Variants in FOXO3 observed in about 807,000 individuals in gnomAD.
FOXO3 encodes forkhead box O3, also known as forkhead box protein O3.
FOXO3 carries 4 observed loss-of-function variants against 41.9 expected under a neutral mutation model. That is an observed-to-expected ratio of 0.10 (90% CI 0.05 to 0.22). FOXO3 has a LOEUF of 0.22. Ranked by LOEUF, FOXO3 falls within the 10% of genes least tolerant of loss-of-function variation. The pLI is 1.00. For missense variants in FOXO3, 534 were observed against 906.8 expected (o/e 0.59, Z 5.28); for synonymous variants, 318 against 389.3 (o/e 0.82, Z 2.16).
intron 1 of FOXO3, among the ~76,000 whole-genome samples, chr6:108,654,609 TGTTA>T (rs1227567563): frequency 6.6e-6 from 1 of 152,180 alleles, no homozygotes; most frequent in East Asian, 1.9e-4. Flanking sequence ...AAAACTTAAA[TGTTA>T]GTTTCCAAAG....
chr6:108,590,817 C>G (rs79375388), intron 1 of FOXO3, among the ~76,000 whole-genome samples: 4,052 of 152,306 alleles, frequency 0.027, 147 homozygotes, highest in African/African-American at 0.08. Context: ...AAATATGCAA[C>G]TTTTCTCATT....
intron 1 of FOXO3, chr6:108,656,369 A>G (rs1400301240): frequency 5.1e-6 from 5 of 985,372 alleles, no homozygotes; most frequent in Non-Finnish European, 6.0e-6. Context: ...CCACAAGGTA[A>G]ACATGGTTTG....
intron 1 of FOXO3, among the ~76,000 whole-genome samples, chr6:108,643,508 T>G (rs906921188): frequency 1.3e-5 from 2 of 152,234 alleles, no homozygotes; most frequent in African/African-American, 4.8e-5. Flanking sequence ...GAAAACAAGA[T>G]GAGCAACACT....
chr6:108,665,215 T>TG (rs1198190652), intron 2 of FOXO3, among the ~76,000 whole-genome samples: 3 of 152,162 alleles, frequency 2.0e-5, no homozygotes, highest in African/African-American at 7.2e-5. Context: ...TTGCCCTACT[T>TG]GATGGATGGA....
chr6:108,658,342 GT>G (rs1232295124), intron 1 of FOXO3, among the ~76,000 whole-genome samples: 5 of 152,114 alleles, frequency 3.3e-5, no homozygotes, highest in African/African-American at 1.2e-4. Context: ...CACAGTTTTT[GT>G]TTGTGTTGAC....
intron 1 of FOXO3, among the ~76,000 whole-genome samples, chr6:108,573,628 G>C (rs1445559974): frequency 1.3e-5 from 2 of 152,078 alleles, no homozygotes; most frequent in Non-Finnish European, 1.5e-5. Flanking sequence ...AGGAGTTTGA[G>C]ACCAGCCTGG....
At chr6:108,595,119 G>T (rs954873651) in intron 1 of FOXO3, among the ~76,000 whole-genome samples, 8 of 152,004 alleles carry the variant, frequency 5.3e-5, no homozygotes, top group African/African-American at 1.7e-4. Flanking sequence ...TACTCTTTCT[G>T]CTCCCCCTCC....
intron 1 of FOXO3, among the ~76,000 whole-genome samples, chr6:108,573,034 C>G (rs535028123): frequency 5.3e-5 from 8 of 152,236 alleles, no homozygotes; most frequent in African/African-American, 1.9e-4. Context: ...CGCCTGTAAT[C>G]CCAGCACTTT....
chr6:108,630,302 A>G (rs1400886103), intron 1 of FOXO3, among the ~76,000 whole-genome samples: 1 of 152,158 alleles, frequency 6.6e-6, no homozygotes, highest in Non-Finnish European at 1.5e-5. Flanking sequence ...AAGAAGGCAG[A>G]ATGTTGAAAA....
At chr6:108,616,164 T>G (rs1278288880) in intron 1 of FOXO3, among the ~76,000 whole-genome samples, 3 of 136,570 alleles carry the variant, frequency 2.2e-5, no homozygotes, top group Non-Finnish European at 4.7e-5. Flanking sequence ...AGGTTTTTTT[T>G]TTTTTTTTTT....
chr6:108,567,308 G>T (rs1775973627), intron 1 of FOXO3, among the ~76,000 whole-genome samples: 1 of 152,122 alleles, frequency 6.6e-6, no homozygotes, highest in Admixed American at 6.5e-5. Context: ...TGGCTCCTGT[G>T]GATTGGGTCT....
At chr6:108,602,536 G>C (rs1777080249) in intron 1 of FOXO3, among the ~76,000 whole-genome samples, 1 of 151,922 alleles carries the variant, frequency 6.6e-6, no homozygotes. Flanking sequence ...GTCTAGAATG[G>C]GGTAAAGAAT....
intron 2 of FOXO3, among the ~76,000 whole-genome samples, chr6:108,674,553 C>T (rs1375424998): frequency 6.6e-6 from 1 of 152,180 alleles, no homozygotes; most frequent in Non-Finnish European, 1.5e-5. Context: ...ATTTCAGGCA[C>T]ATTATGATTA....
intron 1 of FOXO3, among the ~76,000 whole-genome samples, chr6:108,616,156 G>GTTTTTTTTTTT (rs35632295): frequency 2.7e-4 from 15 of 55,158 alleles, no homozygotes; most frequent in Non-Finnish European, 3.8e-4. Flanking sequence ...CCCAACTAAG[G>GTTTTTTTTTTT]TTTTTTTTTT....
In FOXO3 at chr6:108,666,115, T is replaced by A. The variant is rs144468305; in HGVS notation, c.*34+1226T>A. On this transcript the variant is annotated intron_variant, in intron 2 of 2. Transcript: ENST00000406360. ...TACCACTATGGTTGTGTCTTAGGTC[T>A]CTGAGTCTCAACTTCCAGTTTTATA... 9.7e-3 allele frequency among the ~76,000 whole-genome samples: 1,471 copies of A among 152,222 alleles called. 22 individuals are homozygous for A. Among genetic ancestry groups the A allele is most frequent in the African/African-American group, 0.034 (1,398 of 41,524 alleles).
chr6:108,657,982 CT>C (rs1778737421), intron 1 of FOXO3, among the ~76,000 whole-genome samples: 1 of 152,204 alleles, frequency 6.6e-6, no homozygotes, highest in African/African-American at 2.4e-5. Context: ...TGAAACCCCC[CT>C]CTGGGCCTGG....
intron 1 of FOXO3, among the ~76,000 whole-genome samples, chr6:108,623,418 G>A (rs1777728132): frequency 6.6e-6 from 1 of 152,158 alleles, no homozygotes; most frequent in Non-Finnish European, 1.5e-5. Context: ...AGTTTGGGTG[G>A]AGAAGCTTGC....
At chr6:108,650,071 T>C (rs774059260) in intron 1 of FOXO3, among the ~76,000 whole-genome samples, 4 of 152,168 alleles carry the variant, frequency 2.6e-5, no homozygotes, top group Non-Finnish European at 5.9e-5. Flanking sequence ...GGCTGGAAAT[T>C]TCAGGAGGAC....
chr6:108,645,173 C>T (rs537553915), intron 1 of FOXO3, among the ~76,000 whole-genome samples: 5 of 152,268 alleles, frequency 3.3e-5, no homozygotes, highest in African/African-American at 1.2e-4. Flanking sequence ...CTGTTCATTT[C>T]GTGTTACTCC....
Sources: allele counts gnomAD v4.1 joint callset (sites outside exome capture counted in the v4.1 genomes callset), GRCh38; gene constraint gnomAD v4.1.1; transcripts MANE v1.5; gene names NCBI Gene and HGNC (gene_info 2026-07-23, HGNC 2026-07-21).